COL24A1: variants seen among roughly 807,000 people sequenced by gnomAD.
COL24A1 encodes collagen alpha-1(XXIV) chain.
In COL24A1, 224 loss-of-function variants were observed where a neutral mutation model predicts 253.9. The ratio of observed to expected loss-of-function variants is 0.88; its 90% CI spans 0.79 to 0.99. COL24A1 has a LOEUF of 0.99. Among genes scored for constraint, COL24A1 ranks in the 50% least tolerant of loss-of-function variants. The pLI, the probability that COL24A1 is intolerant of heterozygous loss-of-function variation, is 0.00. For synonymous variants in COL24A1, 685 were observed against 673.7 expected (o/e 1.02, Z -0.26); for missense variants, 2,131 against 2,068.5 (o/e 1.03, Z -0.59).
chr1:85,827,972 TG>T (rs1674617417), intron 43 of COL24A1, among the ~76,000 whole-genome samples: 1 of 152,060 alleles, frequency 6.6e-6, no homozygotes, highest in Admixed American at 6.6e-5. Context: ...AGCTTTTGAA[TG>T]TGTTTGCTCT....
At chr1:85,853,332 T>C (rs1678022263) in intron 37 of COL24A1, among the ~76,000 whole-genome samples, 1 of 152,234 alleles carries the variant, frequency 6.6e-6, no homozygotes, top group South Asian at 2.1e-4. Flanking sequence ...TAGGATTCCA[T>C]GGTGTATACA....
Position 86,127,363 on chromosome 1 carries a change from T to C in COL24A1, c.122-1149A>G, listed in dbSNP as rs1031385960. ...TATATTGTTTGTCTCCTTTACCCAATTAAAAGCTTCTGGAAAACTGGATAT... is the reference window on the plus strand; with the variant it reads ...TATATTGTTTGTCTCCTTTACCCAACTAAAAGCTTCTGGAAAACTGGATAT... On this transcript the variant is annotated intron_variant, in intron 2 of 59. Coordinates refer to ENST00000370571, the MANE Select transcript of COL24A1 (RefSeq NM_152890.7). 2.6e-5 allele frequency among the ~76,000 whole-genome samples: 4 copies of C among 152,120 alleles called. No individual in the cohort carries two copies. In the South Asian group the frequency reaches 8.3e-4, roughly 31 times the overall value.
At chr1:85,831,403 G>A (rs551430148) in intron 43 of COL24A1, among the ~76,000 whole-genome samples, 2 of 152,132 alleles carry the variant, frequency 1.3e-5, no homozygotes, top group African/African-American at 2.4e-5. Context: ...TTTTCAGAGT[G>A]ATCATAGAAT....
At position 85,838,647 on chromosome 1, in the gene COL24A1, A is replaced by G; in HGVS notation, c.3628-9T>C. 6.8e-6 allele frequency: 11 copies of G among 1,613,596 alleles called. No individual in the cohort carries two copies. Among genetic ancestry groups the G allele is most frequent in the Non-Finnish European group, 9.3e-6 (11 of 1,179,568 alleles). ...TGGTCCCCCACTGGACCCTACAGAG[A>G]CCACACACAAAACAATCAGTTTTAC... On this transcript the variant is annotated splice_polypyrimidine_tract_variant and intron_variant, in intron 42 of 59. Transcript: ENST00000370571.
At chr1:86,132,433 C>A (rs529588729) in intron 2 of COL24A1, among the ~76,000 whole-genome samples, 2 of 152,072 alleles carry the variant, frequency 1.3e-5, no homozygotes, top group African/African-American at 4.8e-5. Flanking sequence ...GACATGAAGT[C>A]CTTGCCCATG....
chr1:85,828,399 G>A (rs1047744685), intron 43 of COL24A1, among the ~76,000 whole-genome samples: 6 of 151,170 alleles, frequency 4.0e-5, no homozygotes, highest in African/African-American at 1.2e-4. Flanking sequence ...TGTATATTCT[G>A]TTGATTTGGG....
Position 85,968,424 on chromosome 1 carries a change from G to T in COL24A1, c.2463+1803C>A, listed in dbSNP as rs1376627286. On this transcript the variant is annotated intron_variant, in intron 22 of 59. Transcript: ENST00000370571. ...CATTCTGTTTTTACTACACATAAAA[G>T]CTTTAGCCACTTACAACTATATTTA... is the stretch of plus-strand genomic sequence containing the variant. Among the ~76,000 whole-genome samples the T allele has an allele frequency of 2.6e-5, 4 of 152,174 alleles. No homozygotes were observed. The East Asian group carries it at 7.7e-4, about 29-fold the overall frequency.
chr1:85,997,684 AG>A (rs1186408912), intron 19 of COL24A1, among the ~76,000 whole-genome samples: 1 of 151,562 alleles, frequency 6.6e-6, no homozygotes, highest in African/African-American at 2.4e-5. Flanking sequence ...TCAGAGGCTG[AG>A]GCAGGAGAAT....
chr1:85,872,957 T>C (rs1020315266), intron 35 of COL24A1, among the ~76,000 whole-genome samples: 2 of 152,014 alleles, frequency 1.3e-5, no homozygotes, highest in Non-Finnish European at 2.9e-5. Flanking sequence ...AGGGCTAATA[T>C]CCAGAATCTA....
intron 3 of COL24A1, among the ~76,000 whole-genome samples, chr1:86,124,375 ACT>A (rs5775889): frequency 0.15 from 22,867 of 151,766 alleles, 1,870 homozygotes; most frequent in South Asian, 0.25. Context: ...TAAGTTTTAC[ACT>A]CTATTTTAAT....
chr1:85,895,648 T>C lies in COL24A1; in HGVS notation c.2922+210A>G, dbSNP rs561607883. ...ACTTATATTCTTTTAGTCCAACATA[T>C]TGAATACTAAACAATAGTTGTATTA... On this transcript the variant is annotated intron_variant, in intron 31 of 59. Coordinates refer to ENST00000370571, the MANE Select transcript of COL24A1 (RefSeq NM_152890.7). 3.3e-5 allele frequency among the ~76,000 whole-genome samples: 5 copies of C among 152,238 alleles called. No individual in the cohort carries two copies. The East Asian group carries it at 7.7e-4, about 24-fold the overall frequency.
chr1:85,866,608 T>C (rs1334372081), intron 37 of COL24A1, among the ~76,000 whole-genome samples: 1 of 151,930 alleles, frequency 6.6e-6, no homozygotes, highest in Non-Finnish European at 1.5e-5. Context: ...ACCCCGTCTC[T>C]ACTAAAAATA....
At chr1:85,792,449 G>C (rs564905654) in intron 47 of COL24A1, among the ~76,000 whole-genome samples, 1 of 150,394 alleles carries the variant, frequency 6.6e-6, no homozygotes, top group South Asian at 2.1e-4. Flanking sequence ...CACTTTGGTA[G>C]AGGCTAAGGT....
intron 7 of COL24A1, among the ~76,000 whole-genome samples, chr1:86,073,777 G>A (rs540280978): frequency 1.3e-4 from 20 of 152,220 alleles, no homozygotes; most frequent in African/African-American, 4.6e-4. Flanking sequence ...ATCTCTCAGT[G>A]GAAACCCTAC....
chr1:86,082,350 G>C (rs1359423510), intron 7 of COL24A1, among the ~76,000 whole-genome samples: 1 of 152,060 alleles, frequency 6.6e-6, no homozygotes, highest in African/African-American at 2.4e-5. Context: ...GAACAAAGAA[G>C]TGCTTCTTAC....
chr1:85,814,231 G>A (rs191683759), intron 47 of COL24A1, among the ~76,000 whole-genome samples: 4 of 152,232 alleles, frequency 2.6e-5, no homozygotes, highest in African/African-American at 9.6e-5. Context: ...CTGGCCTTAA[G>A]ACCCCTTCAT....
chr1:85,882,291 C>T (rs1045841632), intron 32 of COL24A1, among the ~76,000 whole-genome samples: 1 of 151,942 alleles, frequency 6.6e-6, no homozygotes. Flanking sequence ...CGGTGAAACC[C>T]GTCTCTACTA....
intron 39 of COL24A1, among the ~76,000 whole-genome samples, chr1:85,843,784 T>C (rs1313760598): frequency 6.6e-6 from 1 of 152,052 alleles, no homozygotes; most frequent in Non-Finnish European, 1.5e-5. Flanking sequence ...AGTGAATGCG[T>C]GTGGAAACTG....
chr1:86,044,537 T>A, intron 12 of COL24A1, among the ~76,000 whole-genome samples: 1 of 152,316 alleles, frequency 6.6e-6, no homozygotes, highest in Non-Finnish European at 1.5e-5. Flanking sequence ...AAGATCTAAA[T>A]CTATTACAAA....
Sources: gnomAD v4.1 joint callset for allele counts (sites outside exome capture counted in the v4.1 genomes callset) on GRCh38, gnomAD v4.1.1 for gene constraint, MANE v1.5 for transcripts, NCBI Gene and HGNC (gene_info 2026-07-23, HGNC 2026-07-21) for gene names.